The following UNC79 variants were observed in gnomAD, a reference collection of about 807,000 sequenced individuals.
UNC79 encodes unc-79 subunit of NALCN channel complex, also known as protein unc-79 homolog.
A neutral mutation model predicts 283.1 loss-of-function variants in UNC79; 37 were observed. That is an observed-to-expected ratio of 0.13 (90% confidence interval 0.10 to 0.17). The LOEUF (loss-of-function observed/expected upper bound fraction) is 0.17. UNC79 is among the 10% of genes least tolerant of loss of function. UNC79 has a pLI of 1.00. For synonymous variants in UNC79, 1,107 were observed against 1,200.2 expected (o/e 0.92, Z 1.61); for missense variants, 2,272 against 3,211.1 (o/e 0.71, Z 7.07).
chr14:93,672,295 A>C (rs1181402703), intron 40 of UNC79, among the ~76,000 whole-genome samples: 1 of 152,242 alleles, frequency 6.6e-6, no homozygotes, highest in East Asian at 1.9e-4. Flanking sequence ...GTGTCCATCA[A>C]TGGACAAATG....
chr14:93,497,108 C>CT (rs1156929079), intron 6 of UNC79, 49 bp from the exon 7 acceptor site: 8 of 1,573,088 alleles, frequency 5.1e-6, no homozygotes, highest in Non-Finnish European at 6.9e-6. Flanking sequence ...CTCTACCTTT[C>CT]TTTTTATTTC....
At chr14:93,685,158 T>C (rs2074140803) in intron 42 of UNC79, among the ~76,000 whole-genome samples, 1 of 152,358 alleles carries the variant, frequency 6.6e-6, no homozygotes, top group African/African-American at 2.4e-5. Context: ...CTTGCTCTCA[T>C]TTTTTGAGAT....
At chr14:93,514,557 G>A (rs926139790) in intron 7 of UNC79, among the ~76,000 whole-genome samples, 1 of 152,124 alleles carries the variant, frequency 6.6e-6, no homozygotes, top group East Asian at 1.9e-4. Flanking sequence ...GCACATGCGG[G>A]CCAAAGACCT....
At chr14:93,574,659 T>C (rs2063375149) in intron 16 of UNC79, among the ~76,000 whole-genome samples, 1 of 152,156 alleles carries the variant, frequency 6.6e-6, no homozygotes, top group African/African-American at 2.4e-5. Context: ...TGGGCCCAGA[T>C]TGACATGAAG....
At chr14:93,706,315 G>A (rs1022859895) in intron 48 of UNC79, among the ~76,000 whole-genome samples, 8 of 151,930 alleles carry the variant, frequency 5.3e-5, no homozygotes, top group African/African-American at 1.2e-4. Context: ...TCCCAAAGTC[G>A]CCTATAGAAG....
At chr14:93,436,597 T>C (rs1346772349) in intron 1 of UNC79, among the ~76,000 whole-genome samples, 1 of 152,150 alleles carries the variant, frequency 6.6e-6, no homozygotes, top group Non-Finnish European at 1.5e-5. Context: ...ATAAATAAGC[T>C]TTAAGTTGGG....
At chr14:93,348,489 C>T (rs1298130077) in intron 1 of UNC79, 1 of 180,360 alleles carries the variant, frequency 5.5e-6, no homozygotes, top group African/African-American at 2.4e-5. Flanking sequence ...CTAGTGACAT[C>T]ACCCTTAAAA....
At chr14:93,628,267 A>G (rs1283519530) in intron 30 of UNC79, among the ~76,000 whole-genome samples, 1 of 152,152 alleles carries the variant, frequency 6.6e-6, no homozygotes, top group African/African-American at 2.4e-5. Context: ...AATGCTACCT[A>G]GCCACAGTGA....
chr14:93,477,803 C>A, intron 4 of UNC79, 75 bp downstream of exon 4: 1 of 1,424,454 alleles, frequency 7.0e-7, no homozygotes, highest in Non-Finnish European at 9.5e-7. Flanking sequence ...CTGTTATAGG[C>A]TCTAGTTTTT....
chr14:93,558,887 C>T (rs546772155), intron 14 of UNC79, among the ~76,000 whole-genome samples: 1 of 151,852 alleles, frequency 6.6e-6, no homozygotes, highest in South Asian at 2.1e-4. Context: ...TTCCAAGATG[C>T]CACCCAGTGG....
intron 1 of UNC79, chr14:93,347,393 C>T (rs777185037): frequency 6.5e-7 from 1 of 1,529,536 alleles, no homozygotes; most frequent in South Asian, 1.2e-5. Flanking sequence ...CTGTCTGCCG[C>T]GGTGAGTTGA....
At chr14:93,335,706 A>G (rs970603151) in intron 1 of UNC79, among the ~76,000 whole-genome samples, 1 of 152,226 alleles carries the variant, frequency 6.6e-6, no homozygotes, top group Non-Finnish European at 1.5e-5. Flanking sequence ...GGAGAAAGCC[A>G]TGTGCGGTAG....
chr14:93,682,046 G>A (rs571064886), intron 41 of UNC79, among the ~76,000 whole-genome samples: 1 of 152,182 alleles, frequency 6.6e-6, no homozygotes, highest in South Asian at 2.1e-4. Flanking sequence ...GCAGTCTGAC[G>A]TGGTGACTGT....
rs758383829 is a variant in UNC79, at chr14:93,487,701, A to G, written c.658A>G (p.Asn220Asp). Residue 220 changes from asparagine (N) to aspartate (D), a missense_variant, in exon 5 of 49, where the codon AAC becomes GAC. Coordinates refer to ENST00000555664, the Ensembl canonical transcript of UNC79. Reference sequence around the variant, plus strand: ...GAGAGAAGGTGTACCTGCCCATGTTAACCTCTCTGCATCATCCATGCTAAT... The same window carrying G: ...GAGAGAAGGTGTACCTGCCCATGTTGACCTCTCTGCATCATCCATGCTAAT... 14 of 1,613,906 alleles carry G rather than the reference A, an allele frequency of 8.7e-6. No homozygotes were observed. In the East Asian group the frequency reaches 3.1e-4, roughly 36 times the overall value.
chr14:93,684,624 C>T (rs1024788916), intron 42 of UNC79, among the ~76,000 whole-genome samples: 1 of 151,952 alleles, frequency 6.6e-6, no homozygotes, highest in African/African-American at 2.4e-5. Context: ...ATGTTATATA[C>T]ATTAGAAAAA....
chr14:93,347,977 T>TC lies in UNC79; in HGVS notation c.-351+14455dup, dbSNP rs1466940309. Reference sequence around the variant, plus strand: ...TAAGCACTTTTTGTTAGGCAGCAAGTCACTGGCCTAGGAAGCCATACTCAG... The same window carrying TC: ...TAAGCACTTTTTGTTAGGCAGCAAGTCCACTGGCCTAGGAAGCCATACTCAG... On this transcript the variant is annotated intron_variant, in intron 1 of 49. Coordinates refer to the UNC79 transcript ENST00000256339. The TC allele has an allele frequency of 2.7e-6, 3 of 1,111,596 alleles. No individual in the cohort carries two copies. In the African/African-American group the frequency reaches 4.6e-5, roughly 17 times the overall value. The allele number at this position is 1,111,596 out of a possible 1,614,324, so 68.9% of individuals were successfully genotyped here.
intron 34 of UNC79, among the ~76,000 whole-genome samples, chr14:93,645,402 T>C (rs2069492934): frequency 6.6e-6 from 1 of 152,196 alleles, no homozygotes; most frequent in Admixed American, 6.5e-5. Context: ...AGGGAGTACA[T>C]TTAGTGCAAG....
chr14:93,375,848 C>A (rs1486919181), intron 1 of UNC79, among the ~76,000 whole-genome samples: 2 of 152,164 alleles, frequency 1.3e-5, no homozygotes, highest in East Asian at 3.8e-4. Context: ...TTGGGGATTA[C>A]AATTTGACAT....
chr14:93,417,407 G>A (rs1263523559), intron 1 of UNC79, among the ~76,000 whole-genome samples: 1 of 152,180 alleles, frequency 6.6e-6, no homozygotes, highest in East Asian at 1.9e-4. Context: ...AGTCTGATGG[G>A]CTTCCCTTTG....
Sources: gnomAD v4.1 joint callset for allele counts (sites outside exome capture counted in the v4.1 genomes callset) on GRCh38, gnomAD v4.1.1 for gene constraint, MANE v1.5 for transcripts, NCBI Gene and HGNC (gene_info 2026-07-23, HGNC 2026-07-21) for gene names.